The following DLGAP1 variants were observed in gnomAD, a reference collection of about 807,000 sequenced individuals.
The protein encoded by DLGAP1 is disks large-associated protein 1.
DLGAP1 carries 11 observed loss-of-function variants against 90.8 expected under a neutral mutation model. That is an observed-to-expected ratio of 0.12 (90% CI 0.08 to 0.20). The LOEUF (loss-of-function observed/expected upper bound fraction) is 0.20. Among genes scored for constraint, DLGAP1 ranks in the 10% least tolerant of loss-of-function variants. The probability of loss-of-function intolerance (pLI) is 1.00; values close to 1 mark genes in which losing one functional copy is unlikely to be tolerated. For synonymous variants in DLGAP1, 558 were observed against 540.7 expected, an observed-to-expected ratio of 1.03 and a Z score of -0.44; for missense variants, 1,050 against 1,333.8, an observed-to-expected ratio of 0.79 and a Z score of 3.31.
intron 3 of DLGAP1, among the ~76,000 whole-genome samples, chr18:3,925,026 T>C (rs2072350522): frequency 6.6e-6 from 1 of 152,088 alleles, no homozygotes; most frequent in Admixed American, 6.5e-5. Context: ...GATCTTGGCT[T>C]ACCGCAACCT....
chr18:3,522,829 C>T (rs932236440), intron 10 of DLGAP1, among the ~76,000 whole-genome samples: 1 of 152,050 alleles, frequency 6.6e-6, no homozygotes, highest in South Asian at 2.1e-4. Flanking sequence ...AGGTGTAAAC[C>T]ACTGCACCCA....
rs887217746 is a variant in DLGAP1 at position 3,517,477 on chromosome 18, C to T, written c.2480-8816G>A. Among the ~76,000 whole-genome samples the T allele has an allele frequency of 1.3e-5, 2 of 152,200 alleles. No homozygotes were observed. The highest frequency in any genetic ancestry group is 2.9e-5 in the Non-Finnish European group (2 of 68,042). On this transcript the variant is annotated intron_variant, in intron 10 of 12. Coordinates refer to ENST00000315677, the MANE Select transcript of DLGAP1 (RefSeq NM_004746.4). This position sits in a 1 kb window ranked among gnomAD's most constrained non-coding sequence, Gnocchi z 4.1. The stretch of plus-strand genomic sequence containing the variant: ...TCCATGAACCAACGATTGCTAGCTT[C>T]AAACTTTTCTTCTTCAGCTTCCTCA...
intron 9 of DLGAP1, among the ~76,000 whole-genome samples, chr18:3,559,730 C>T (rs1455339092): frequency 6.7e-6 from 1 of 148,676 alleles, no homozygotes; most frequent in Non-Finnish European, 1.5e-5. Context: ...TCAAGTGATT[C>T]TTCTCCCTCA....
At chr18:3,871,644 G>A (rs1315241646) in intron 4 of DLGAP1, among the ~76,000 whole-genome samples, 2 of 152,142 alleles carry the variant, frequency 1.3e-5, no homozygotes, top group Admixed American at 6.5e-5. Context: ...ATGGTCCAAG[G>A]TGAAGTTCAA....
chr18:4,312,797 A>G (rs1738147874), intron 1 of DLGAP1, among the ~76,000 whole-genome samples: 1 of 152,160 alleles, frequency 6.6e-6, no homozygotes, highest in South Asian at 2.1e-4. Flanking sequence ...GAAATAACAG[A>G]TTTTTGTTAT....
At chr18:3,625,337 G>C (rs972582347) in intron 7 of DLGAP1, among the ~76,000 whole-genome samples, 1 of 152,162 alleles carries the variant, frequency 6.6e-6, no homozygotes, top group Non-Finnish European at 1.5e-5. Context: ...GTGTGTTTGC[G>C]GGGGCTGGGA....
chr18:4,214,010 A>G (rs1379748151), intron 1 of DLGAP1, among the ~76,000 whole-genome samples: 1 of 152,176 alleles, frequency 6.6e-6, no homozygotes, highest in Non-Finnish European at 1.5e-5. Context: ...TGGACACCAG[A>G]GTGCCCTAGA....
chr18:3,501,231 T>TA (rs35211484), intron 12 of DLGAP1, among the ~76,000 whole-genome samples: 49 of 145,064 alleles, frequency 3.4e-4, no homozygotes, highest in Non-Finnish European at 4.2e-4. Context: ...AATGATTATT[T>TA]AAAAAAAAAA....
chr18:4,296,215 T>C (rs141876297), intron 1 of DLGAP1, among the ~76,000 whole-genome samples: 9 of 152,268 alleles, frequency 5.9e-5, no homozygotes, highest in African/African-American at 2.2e-4. Context: ...CAGCCTTCCT[T>C]TACCTTCTAG....
At chr18:3,719,820 A>G (rs753812246) in intron 7 of DLGAP1, among the ~76,000 whole-genome samples, 13 of 152,236 alleles carry the variant, frequency 8.5e-5, no homozygotes, top group Non-Finnish European at 1.8e-4. Flanking sequence ...CTCTGGCCAT[A>G]ATCAACATTT....
intron 2 of DLGAP1, among the ~76,000 whole-genome samples, chr18:4,145,518 T>C (rs1300141581): frequency 6.6e-6 from 1 of 152,162 alleles, no homozygotes; most frequent in African/African-American, 2.4e-5. Flanking sequence ...GCTTTGAATT[T>C]CTGCTGACAA....
At chr18:4,062,463 T>C (rs2143312945) in intron 2 of DLGAP1, among the ~76,000 whole-genome samples, 1 of 152,280 alleles carries the variant, frequency 6.6e-6, no homozygotes, top group East Asian at 1.9e-4. Context: ...CTCCAAGTTA[T>C]CTTGGGACCT....
chr18:3,640,395 A>G (rs1388875748), intron 7 of DLGAP1, among the ~76,000 whole-genome samples: 1 of 152,244 alleles, frequency 6.6e-6, no homozygotes, highest in East Asian at 1.9e-4. Flanking sequence ...CTTCGAAAGC[A>G]CTTCAAAGCA....
chr18:3,874,568 C>T (rs765742592), intron 4 of DLGAP1: 1 of 1,502,918 alleles, frequency 6.7e-7, no homozygotes, highest in Non-Finnish European at 8.8e-7. Context: ...TTTATTCTAT[C>T]TCTGAACCTC....
At chr18:4,395,846 G>C (rs1035901307) in intron 1 of DLGAP1, among the ~76,000 whole-genome samples, 7 of 152,178 alleles carry the variant, frequency 4.6e-5, no homozygotes, top group Admixed American at 2.0e-4. Context: ...AAGTAATGCT[G>C]AATGCGGGAG....
intron 1 of DLGAP1, among the ~76,000 whole-genome samples, chr18:4,398,739 C>T (rs2082490068): frequency 1.3e-5 from 2 of 152,118 alleles, no homozygotes; most frequent in South Asian, 4.1e-4. Context: ...TCCATTAAGC[C>T]AGGGGTAATT....
chr18:3,753,951 T>C (rs1002147148), intron 5 of DLGAP1, among the ~76,000 whole-genome samples: 4 of 152,236 alleles, frequency 2.6e-5, no homozygotes, highest in African/African-American at 9.6e-5. Context: ...AAGTCCCTTA[T>C]GTAAATGGCA....
At chr18:4,184,269 T>C (rs1176459644) in intron 1 of DLGAP1, among the ~76,000 whole-genome samples, 5 of 152,126 alleles carry the variant, frequency 3.3e-5, no homozygotes, top group African/African-American at 1.2e-4. Flanking sequence ...CCAAAACCCC[T>C]TGGGACGAAA....
chr18:3,587,640 G>A (rs765957545), intron 7 of DLGAP1, among the ~76,000 whole-genome samples: 1 of 152,076 alleles, frequency 6.6e-6, no homozygotes, highest in Non-Finnish European at 1.5e-5. Context: ...TTGTTCTTTC[G>A]CTCTTCACAA....
Sources: gnomAD v4.1 joint callset for allele counts (sites outside exome capture counted in the v4.1 genomes callset) on GRCh38, gnomAD v4.1.1 for gene constraint, Gnocchi (gnomAD v3.1) non-coding constraint, MANE v1.5 for transcripts, NCBI Gene and HGNC (gene_info 2026-07-23, HGNC 2026-07-21) for gene names.